PLEKHA7: variants seen among roughly 807,000 people sequenced by gnomAD.
PLEKHA7 encodes pleckstrin homology domain-containing family A member 7.
Under a neutral mutation model 170.0 loss-of-function variants are expected in PLEKHA7, and 104 were observed. The observed-to-expected ratio is 0.61, with a 90% CI of 0.52 to 0.72. PLEKHA7 has a LOEUF of 0.72. Ranked by LOEUF, PLEKHA7 falls within the 30% of genes least tolerant of loss-of-function variation. The pLI, the probability that PLEKHA7 is intolerant of heterozygous loss-of-function variation, is 0.00. For missense variants in PLEKHA7, 1,615 were observed against 1,671.7 expected, an observed-to-expected ratio of 0.97 and a Z score of 0.59; for synonymous variants, 648 against 660.8, an observed-to-expected ratio of 0.98 and a Z score of 0.30.
chr11:16,956,707 G>A (rs1861723152), intron 3 of PLEKHA7, among the ~76,000 whole-genome samples: 2 of 152,182 alleles, frequency 1.3e-5, no homozygotes, highest in African/African-American at 4.8e-5. Flanking sequence ...TCCCGCCTGG[G>A]CCCTAATCCA....
chr11:16,803,993 G>C (rs1457491160), intron 13 of PLEKHA7, among the ~76,000 whole-genome samples: 2 of 152,220 alleles, frequency 1.3e-5, no homozygotes, highest in Admixed American at 1.3e-4. Context: ...GCGGGCCAAT[G>C]GGATTTTACA....
At chr11:16,971,955 C>T (rs1862742277) in intron 3 of PLEKHA7, among the ~76,000 whole-genome samples, 3 of 151,598 alleles carry the variant, frequency 2.0e-5, no homozygotes, top group Admixed American at 6.6e-5. Context: ...TCCCAAGTAG[C>T]TATGATTACA....
At chr11:16,909,145 C>A (rs905632370) in intron 3 of PLEKHA7, among the ~76,000 whole-genome samples, 1 of 152,014 alleles carries the variant, frequency 6.6e-6, no homozygotes, top group South Asian at 2.1e-4. Flanking sequence ...CATGCACTGA[C>A]GTACAGTAAG....
chr11:16,950,001 A>G (rs896156532), intron 3 of PLEKHA7, among the ~76,000 whole-genome samples: 1 of 148,622 alleles, frequency 6.7e-6, no homozygotes, highest in Non-Finnish European at 1.5e-5. Flanking sequence ...TAGGAGGCCA[A>G]GCAGATCTCA....
chr11:16,935,421 C>CA (rs1353580773), intron 3 of PLEKHA7, among the ~76,000 whole-genome samples: 1 of 151,780 alleles, frequency 6.6e-6, no homozygotes, highest in Non-Finnish European at 1.5e-5. Context: ...GACTCCGTCT[C>CA]AAAAAAAAGA....
Position 16,818,172 on chromosome 11 carries a change from G to C in PLEKHA7, c.1344-850C>G, listed in dbSNP as rs992287437. Among the ~76,000 whole-genome samples the C allele has an allele frequency of 1.2e-4, 19 of 152,324 alleles. 1 individual carries two copies. Among genetic ancestry groups the C allele is most frequent in the African/African-American group, 4.6e-4 (19 of 41,562 alleles). ...GAAAAAGGAAAAAGGAGTCTAACCT[G>C]GGTTTGAAGCCAAGCTTGACACTTG... On this transcript the variant is annotated intron_variant, in intron 10 of 26. Coordinates refer to ENST00000531066, the MANE Select transcript of PLEKHA7 (RefSeq NM_001329630.2).
At chr11:17,002,632 A>G (rs559284091) in intron 3 of PLEKHA7, among the ~76,000 whole-genome samples, 46 of 152,242 alleles carry the variant, frequency 3.0e-4, no homozygotes, top group Admixed American at 1.7e-3. Context: ...CTGCCTCTAC[A>G]ACAAATGCAT....
intron 3 of PLEKHA7, among the ~76,000 whole-genome samples, chr11:16,889,954 C>A (rs1223857384): frequency 6.6e-6 from 1 of 152,076 alleles, no homozygotes; most frequent in Non-Finnish European, 1.5e-5. Context: ...AAAATGACTT[C>A]TCAGCAGAAA....
intron 3 of PLEKHA7, among the ~76,000 whole-genome samples, chr11:16,952,405 T>C (rs1193569196): frequency 6.6e-6 from 1 of 152,064 alleles, no homozygotes; most frequent in Non-Finnish European, 1.5e-5. Context: ...CATAGAGTGC[T>C]TGGGGCCCAG....
chr11:16,940,535 G>A (rs575836065), intron 3 of PLEKHA7, among the ~76,000 whole-genome samples: 15 of 152,064 alleles, frequency 9.9e-5, no homozygotes, highest in East Asian at 3.9e-4. Flanking sequence ...TGATCCGCCC[G>A]CCTCAGCCTC....
chr11:16,821,473 AT>A (rs1564960562), intron 10 of PLEKHA7, among the ~76,000 whole-genome samples: 1 of 152,240 alleles, frequency 6.6e-6, no homozygotes, highest in Non-Finnish European at 1.5e-5. Context: ...TTAATGTGAA[AT>A]TTGTATCTCC....
At chr11:17,004,157 A>T (rs936387406) in intron 3 of PLEKHA7, among the ~76,000 whole-genome samples, 2 of 152,204 alleles carry the variant, frequency 1.3e-5, no homozygotes, top group Non-Finnish European at 2.9e-5. Flanking sequence ...AATTAAATTG[A>T]GGGTAAAGTC....
chr11:16,875,200 G>C (rs1036742859), intron 3 of PLEKHA7, among the ~76,000 whole-genome samples: 3 of 152,156 alleles, frequency 2.0e-5, no homozygotes, highest in African/African-American at 7.2e-5. Context: ...TTTACAAGGA[G>C]CTTTAACTAA....
At chr11:16,813,229 G>C in intron 12 of PLEKHA7, 63 bp from the exon 13 acceptor site, 1 of 1,416,764 alleles carries the variant, frequency 7.1e-7, no homozygotes, top group Non-Finnish European at 1.0e-6. Context: ...ATAACTCGAG[G>C]TTTCACATGT....
intron 9 of PLEKHA7, among the ~76,000 whole-genome samples, chr11:16,832,762 C>T (rs1851218310): frequency 6.6e-6 from 1 of 152,128 alleles, no homozygotes. Context: ...CCTAAATGAC[C>T]AAACTAGGAG....
At chr11:16,993,040 T>C (rs1325918115) in intron 3 of PLEKHA7, among the ~76,000 whole-genome samples, 2 of 152,050 alleles carry the variant, frequency 1.3e-5, no homozygotes, top group Admixed American at 6.5e-5. Flanking sequence ...CTCTGCCACC[T>C]TTCCCTCTGC....
At chr11:16,914,206 G>A (rs1017852727) in intron 3 of PLEKHA7, among the ~76,000 whole-genome samples, 2 of 152,142 alleles carry the variant, frequency 1.3e-5, no homozygotes, top group African/African-American at 4.8e-5. Context: ...AACGTTAGCA[G>A]TAATCACCCC....
At chr11:16,924,792 T>C (rs1328254989) in intron 3 of PLEKHA7, among the ~76,000 whole-genome samples, 1 of 152,178 alleles carries the variant, frequency 6.6e-6, no homozygotes, top group Non-Finnish European at 1.5e-5. Context: ...TTTTCAGATT[T>C]CCTCTCTCCA....
chr11:16,822,479 T>C (rs1255372412), intron 10 of PLEKHA7, among the ~76,000 whole-genome samples: 1 of 120,752 alleles, frequency 8.3e-6, no homozygotes, highest in Non-Finnish European at 1.6e-5. Context: ...GTACCACATC[T>C]CAAGTGTCTG....
Sources: allele counts gnomAD v4.1 joint callset (sites outside exome capture counted in the v4.1 genomes callset), GRCh38; gene constraint gnomAD v4.1.1; transcripts MANE v1.5; gene names NCBI Gene and HGNC (gene_info 2026-07-23, HGNC 2026-07-21).